Variants in PKHD1 observed in about 807,000 individuals in gnomAD.
PKHD1 encodes the protein PKHD1 ciliary IPT domain containing fibrocystin/polyductin.
In PKHD1, 291 loss-of-function variants were observed where a neutral mutation model predicts 412.0. That is an observed-to-expected ratio of 0.71 (90% CI 0.64 to 0.78). PKHD1 has a LOEUF of 0.78. Among genes scored for constraint, PKHD1 ranks in the 30% least tolerant of loss-of-function variants. The probability of loss-of-function intolerance (pLI) is 0.00; values close to 1 mark genes in which losing one functional copy is unlikely to be tolerated. For synonymous variants in PKHD1, 1,777 were observed against 1,821.5 expected (o/e 0.98, Z 0.62); for missense variants, 4,825 against 4,950.7 (o/e 0.97, Z 0.76).
At chr6:51,685,504 T>G (rs554393148) in intron 60 of PKHD1, among the ~76,000 whole-genome samples, 2 of 152,056 alleles carry the variant, frequency 1.3e-5, no homozygotes, top group Non-Finnish European at 2.9e-5. Context: ...TTAAAAAAAA[T>G]TTTTTTAAAG....
At chr6:51,711,713 C>A (rs566025740) in intron 60 of PKHD1, among the ~76,000 whole-genome samples, 1 of 152,274 alleles carries the variant, frequency 6.6e-6, no homozygotes, top group African/African-American at 2.4e-5. Flanking sequence ...AATAAAGAAC[C>A]TATCCTATCA....
In PKHD1 at chr6:52,043,710, A is replaced by G. The variant is rs892734759; in HGVS notation, c.2736T>C (p.Asp912=). ...QHTQVVVRVN[D]VPAHCPGSCS... is the part of the protein sequence containing the mutation. ...AGGAACCTGGGCAATGAGCTGGTACATCATTCACTCGCACAACCACCTGAA... is the reference window on the plus strand; with the variant it reads ...AGGAACCTGGGCAATGAGCTGGTACGTCATTCACTCGCACAACCACCTGAA... The change falls in exon 26 of 67, where the codon GAT becomes GAC. Residue 912 remains aspartate, a synonymous_variant. Transcript: ENST00000371117. The G allele has an allele frequency of 6.2e-7, 1 of 1,613,522 alleles. No individual in the cohort carries two copies. Among genetic ancestry groups the G allele is most frequent in the Non-Finnish European group, 8.5e-7 (1 of 1,179,482 alleles).
At chr6:51,809,956 T>G (rs1764445436) in intron 52 of PKHD1, among the ~76,000 whole-genome samples, 1 of 152,018 alleles carries the variant, frequency 6.6e-6, no homozygotes, top group Non-Finnish European at 1.5e-5. Flanking sequence ...TTTCATGTAC[T>G]ATTGCATTGT....
At chr6:51,739,688 C>G (rs1784317987) in intron 60 of PKHD1, among the ~76,000 whole-genome samples, 1 of 152,070 alleles carries the variant, frequency 6.6e-6, no homozygotes, top group South Asian at 2.1e-4. Flanking sequence ...AGAAAGTAGG[C>G]AAAATACACT....
chr6:51,761,173 T>A (rs1240886203), intron 55 of PKHD1, among the ~76,000 whole-genome samples: 1 of 152,090 alleles, frequency 6.6e-6, no homozygotes, highest in South Asian at 2.1e-4. Context: ...AGAGTCAATC[T>A]AGGTGCCCAT....
rs1581923405 is a variant in PKHD1, at chr6:52,045,220, G to A, written c.2593-132C>T. ...GCTAGAAAGTGAAAGCAGAGTAACA[G>A]AGAATTGAAATATAGAAACGTAACA... is the stretch of plus-strand genomic sequence containing the variant. On this transcript the variant is annotated intron_variant, in intron 24 of 66. Coordinates refer to ENST00000371117, the MANE Select transcript of PKHD1 (RefSeq NM_138694.4). The A allele has an allele frequency of 1.0e-5, 9 of 862,692 alleles. No homozygotes were observed. The East Asian group carries it at 2.4e-4, about 23-fold the overall frequency. 53.4% of individuals were successfully genotyped at this position (862,692 alleles called of 1,614,324 possible). A position where few individuals can be genotyped will look rare whatever the true frequency, so the allele number is the denominator to read the frequency against.
chr6:51,927,564 G>T (rs888328785), intron 37 of PKHD1, among the ~76,000 whole-genome samples: 1 of 152,152 alleles, frequency 6.6e-6, no homozygotes. Flanking sequence ...ATAGAGCGAG[G>T]TGTGAAACTA....
chr6:51,826,160 C>G (rs6916432), intron 52 of PKHD1, among the ~76,000 whole-genome samples: 75,832 of 151,978 alleles, frequency 0.5, 20,103 homozygotes, highest in Middle Eastern at 0.66. Flanking sequence ...CTATTATGAT[C>G]TTTTGCAATT....
intron 35 of PKHD1, 56 bp downstream of exon 35, chr6:52,010,253 A>G: frequency 6.7e-7 from 1 of 1,500,230 alleles, no homozygotes; most frequent in Non-Finnish European, 9.3e-7. Flanking sequence ...TGTACACAAT[A>G]TTACAAATTT....
intron 64 of PKHD1, 44 bp downstream of exon 64, chr6:51,638,799 CAAAAAA>C (rs376358912): frequency 3.5e-6 from 3 of 849,572 alleles, no homozygotes; most frequent in African/African-American, 4.1e-5. Context: ...ATTATCTTCT[CAAAAAA>C]AAAAAAAAAA....
At chr6:51,784,851 T>G (rs531157362) in intron 53 of PKHD1, among the ~76,000 whole-genome samples, 2 of 152,046 alleles carry the variant, frequency 1.3e-5, no homozygotes, top group African/African-American at 4.8e-5. Flanking sequence ...AGGTCTAGCT[T>G]TTTCTTGTCT....
In PKHD1 at chr6:51,744,468, T is replaced by C. The variant is rs1323710410; in HGVS notation, c.10073A>G (p.Asp3358Gly). 3 of 1,612,676 alleles carry C rather than the reference T, an allele frequency of 1.9e-6. No individual in the cohort carries two copies. Among genetic ancestry groups the C allele is most frequent in the Non-Finnish European group, 2.5e-6 (3 of 1,178,854 alleles). ...SPRKYLFKDL[D>G]GRALGLPPPV... ...TGGAGGCAGACCCAGGGCTCTCCCA[T>C]CCAGATCCTTGAAGAGATATTTTCT... The change falls in exon 60 of 67, where the codon GAT becomes GGT. Residue 3358 changes from aspartate (D) to glycine (G), a missense_variant. Physicochemically the swap from Asp to Gly is moderately conservative, Grantham distance 94. Coordinates refer to ENST00000371117, the MANE Select transcript of PKHD1 (RefSeq NM_138694.4).
At chr6:52,048,932 C>T (rs1806306859) in intron 22 of PKHD1, among the ~76,000 whole-genome samples, 1 of 152,144 alleles carries the variant, frequency 6.6e-6, no homozygotes, top group African/African-American at 2.4e-5. Flanking sequence ...GCTTTTCCTG[C>T]CCAGAGGACC....
chr6:51,726,370 T>A (rs1339924733), intron 60 of PKHD1, among the ~76,000 whole-genome samples: 4 of 152,118 alleles, frequency 2.6e-5, no homozygotes, highest in African/African-American at 9.7e-5. Context: ...TATGGTAAAA[T>A]AAAGTGCATA....
chr6:52,066,018 T>C lies in PKHD1; in HGVS notation c.838A>G (p.Thr280Ala). Residue 280 changes from threonine to alanine, a missense_variant, in exon 12 of 67, where the codon ACA (threonine) becomes GCA (alanine). Coordinates refer to ENST00000371117, the MANE Select transcript of PKHD1 (RefSeq NM_138694.4). ...GCAGAATTGTCAAAAAAGTCTCCTGTAATTGTGATGTTTGTTCTTCCCCCA... is the reference window on the plus strand; with the variant it reads ...GCAGAATTGTCAAAAAAGTCTCCTGCAATTGTGATGTTTGTTCTTCCCCCA... ...SLGGRTNITI[T>A]GDFFDNSAQV... The C allele has an allele frequency of 1.2e-6, 2 of 1,603,990 alleles. No individual in the cohort carries two copies. Among genetic ancestry groups the C allele is most frequent in the Non-Finnish European group, 1.7e-6 (2 of 1,171,302 alleles).
chr6:51,659,089 T>A lies in PKHD1; in HGVS notation c.11037A>T (p.Ser3679=), dbSNP rs1204544455. Residue 3679 remains serine (S), a synonymous_variant, in exon 61 of 67, where the codon TCA becomes TCT. Coordinates refer to ENST00000371117, the MANE Select transcript of PKHD1 (RefSeq NM_138694.4). The stretch of plus-strand genomic sequence containing the variant: ...TCTGTAATTTGTTACTTGATAAGGA[T>A]GAAATCATTCCAGTGCTCCTTACTG... ...SPTVRSTGMI[S]SLSSNKLQNL... is the part of the protein sequence containing the mutation. The A allele has an allele frequency of 1.2e-6, 2 of 1,613,836 alleles. No individual in the cohort carries two copies. The highest frequency in any genetic ancestry group is 8.5e-7 in the Non-Finnish European group (1 of 1,179,828).
chr6:51,967,696 C>T (rs13205180), intron 35 of PKHD1, among the ~76,000 whole-genome samples: 58,410 of 151,666 alleles, frequency 0.39, 13,081 homozygotes, highest in Admixed American at 0.53. Flanking sequence ...CACGCACTCA[C>T]GTGCATGCAC....
At chr6:51,628,733 T>A (rs902593060) in intron 65 of PKHD1, among the ~76,000 whole-genome samples, 1 of 152,176 alleles carries the variant, frequency 6.6e-6, no homozygotes, top group African/African-American at 2.4e-5. Context: ...CTCGCCAACA[T>A]CTGTTACTGT....
At chr6:52,069,218 T>C (rs1184013101) in intron 11 of PKHD1, among the ~76,000 whole-genome samples, 2 of 152,234 alleles carry the variant, frequency 1.3e-5, no homozygotes, top group African/African-American at 4.8e-5. Flanking sequence ...CTTTCTTTTA[T>C]TCAGTTTATA....
Sources: allele counts gnomAD v4.1 joint callset (sites outside exome capture counted in the v4.1 genomes callset), GRCh38; gene constraint gnomAD v4.1.1; transcripts MANE v1.5; gene names NCBI Gene and HGNC (gene_info 2026-07-23, HGNC 2026-07-21).